Variants in PRKAG2 observed in about 807,000 individuals in gnomAD.
PRKAG2 encodes the protein protein kinase AMP-activated non-catalytic subunit gamma 2, also known as 5'-AMP-activated protein kinase subunit gamma-2.
Under a neutral mutation model 69.6 loss-of-function variants are expected in PRKAG2, and 26 were observed. The ratio of observed to expected loss-of-function variants is 0.37; its 90% CI spans 0.27 to 0.52. The LOEUF (loss-of-function observed/expected upper bound fraction) is 0.52, where lower values mean the gene tolerates loss of function less well. PRKAG2 is among the 20% of genes least tolerant of loss of function. The probability of loss-of-function intolerance (pLI) is 0.90; values close to 1 mark genes in which losing one functional copy is unlikely to be tolerated. For synonymous variants in PRKAG2, 293 were observed against 285.0 expected, an observed-to-expected ratio of 1.03 and a Z score of -0.28; for missense variants, 557 against 740.0, an observed-to-expected ratio of 0.75 and a Z score of 2.87.
At chr7:151,658,198 A>ATAAAT (rs1563361482) in intron 4 of PRKAG2, among the ~76,000 whole-genome samples, 10 of 65,054 alleles carry the variant, frequency 1.5e-4, no homozygotes, top group East Asian at 5.8e-4. Context: ...AATAAATAAG[A>ATAAAT]ATAATAGGGC....
At chr7:151,779,424 C>T (rs563013597) in intron 3 of PRKAG2, among the ~76,000 whole-genome samples, 74 of 152,324 alleles carry the variant, frequency 4.9e-4, no homozygotes, top group Non-Finnish European at 5.7e-4. Flanking sequence ...CCTCTCCTCC[C>T]ACCCCCATGG....
chr7:151,564,350 T>C (rs1805742656), intron 13 of PRKAG2, 126 bp from the exon 14 acceptor site: 1 of 974,080 alleles, frequency 1.0e-6, no homozygotes. Flanking sequence ...AGTACCTGCA[T>C]ACATCAGACG....
chr7:151,738,687 A>C (rs747907008), intron 3 of PRKAG2, among the ~76,000 whole-genome samples: 2 of 152,256 alleles, frequency 1.3e-5, no homozygotes, highest in Non-Finnish European at 2.9e-5. Flanking sequence ...TGTTTCCCTT[A>C]AGGGATGCTT....
chr7:151,581,013 A>C (rs1810338401), intron 6 of PRKAG2, among the ~76,000 whole-genome samples: 1 of 152,200 alleles, frequency 6.6e-6, no homozygotes, highest in African/African-American at 2.4e-5. Flanking sequence ...ATTTATCCTG[A>C]TGTGATTATA....
rs189420258 is a variant in PRKAG2, at chr7:151,626,036, C to T, written c.754+6033G>A. ...GCTGAACAGCTGTAGGGCCAAGAGG[C>T]CATTCTTCAACACATCCACCAGGAA... On this transcript the variant is annotated intron_variant, in intron 5 of 15. Transcript: ENST00000287878. Among the ~76,000 whole-genome samples, 348 of 152,296 alleles carry T rather than the reference C, an allele frequency of 2.3e-3. 1 individual carries two copies. The highest frequency in any genetic ancestry group is 7.7e-3 in the African/African-American group (322 of 41,550).
intron 3 of PRKAG2, among the ~76,000 whole-genome samples, chr7:151,767,492 T>C (rs1386904549): frequency 6.6e-6 from 1 of 152,232 alleles, no homozygotes; most frequent in Non-Finnish European, 1.5e-5. Context: ...GGTTTTACCA[T>C]GTTGGCCAGG....
intron 4 of PRKAG2, among the ~76,000 whole-genome samples, chr7:151,657,805 A>G (rs919578009): frequency 3.3e-5 from 5 of 152,172 alleles, no homozygotes; most frequent in African/African-American, 1.2e-4. Context: ...TGAGAAGTCA[A>G]ATGTGTCAAA....
At chr7:151,607,748 T>G (rs765228923) in intron 5 of PRKAG2, among the ~76,000 whole-genome samples, 4 of 152,318 alleles carry the variant, frequency 2.6e-5, no homozygotes, top group South Asian at 4.1e-4. Flanking sequence ...GTTTTGAGAA[T>G]GCGTTCCTCA....
intron 1 of PRKAG2, among the ~76,000 whole-genome samples, chr7:151,813,560 G>C (rs562811336): frequency 3.3e-5 from 5 of 151,630 alleles, no homozygotes; most frequent in Non-Finnish European, 5.9e-5. Flanking sequence ...GGCGACAAGA[G>C]GGATGCTGGG....
chr7:151,776,603 C>T (rs1236273975), intron 3 of PRKAG2, among the ~76,000 whole-genome samples: 1 of 152,210 alleles, frequency 6.6e-6, no homozygotes, highest in African/African-American at 2.4e-5. Flanking sequence ...CAGCAGGCAG[C>T]CCCAGGTCCC....
chr7:151,713,395 G>T (rs896762277), intron 3 of PRKAG2, among the ~76,000 whole-genome samples: 24 of 152,062 alleles, frequency 1.6e-4, no homozygotes, highest in African/African-American at 5.6e-4. Flanking sequence ...TGAATCAGCG[G>T]TTTTTGAAAA....
chr7:151,832,944 C>G (rs896193881), intron 1 of PRKAG2, among the ~76,000 whole-genome samples: 4 of 152,156 alleles, frequency 2.6e-5, no homozygotes, highest in Admixed American at 6.5e-5. Flanking sequence ...CCCACACTGT[C>G]CCCTGAAAAG....
At chr7:151,705,125 A>T (rs1000901438) in intron 3 of PRKAG2, among the ~76,000 whole-genome samples, 11 of 152,230 alleles carry the variant, frequency 7.2e-5, no homozygotes, top group Admixed American at 3.9e-4. Flanking sequence ...GATAAAACGT[A>T]AATGCAATTG....
chr7:151,574,836 A>G, intron 8 of PRKAG2, 55 bp downstream of exon 8: 4 of 1,611,970 alleles, frequency 2.5e-6, no homozygotes, highest in Non-Finnish European at 3.4e-6. Context: ...ATACCTACAC[A>G]CATACATAGA....
intron 1 of PRKAG2, among the ~76,000 whole-genome samples, chr7:151,854,151 C>G (rs67760509): frequency 0.17 from 26,053 of 152,278 alleles, 2,643 homozygotes; most frequent in South Asian, 0.23. Flanking sequence ...GAAGCCTCCA[C>G]CCCGACTGCT....
chr7:151,669,890 A>ACACACACCTGCATGCACATACCTGCATG lies in PRKAG2; in HGVS notation c.684+5502_684+5529dup, dbSNP rs1477101437. ...CATACTTGCACACACAGTTGCATGC[A>ACACACACCTGCATGCACATACCTGCATG]CACACACCTGCATGCACATACCTGC... On this transcript the variant is annotated intron_variant, in intron 4 of 15. Coordinates refer to ENST00000287878, the MANE Select transcript of PRKAG2 (RefSeq NM_016203.4). Among the ~76,000 whole-genome samples the ACACACACCTGCATGCACATACCTGCATG allele has an allele frequency of 6.0e-5, 9 of 150,970 alleles. No homozygotes were observed. The East Asian group carries it at 9.8e-4, about 16-fold the overall frequency.
intron 4 of PRKAG2, among the ~76,000 whole-genome samples, chr7:151,637,637 T>C (rs1825956672): frequency 6.6e-6 from 1 of 152,162 alleles, no homozygotes; most frequent in African/African-American, 2.4e-5. Flanking sequence ...GGTTTTTTAC[T>C]TAGTAAGAAA....
At position 151,796,841 on chromosome 7, in the gene PRKAG2, AG is replaced by A. The variant is rs776104981; in HGVS notation, c.115-10301del. Among the ~76,000 whole-genome samples the A allele has an allele frequency of 1.2e-3, 190 of 152,266 alleles. 1 individual carries two copies. The highest frequency in any genetic ancestry group is 1.5e-3 in the Non-Finnish European group (104 of 68,012). ...AATGACATCCTGATGCGCCACCTCC[AG>A]CCCCTGTACGGAGGGAACAGCCCTT... is the stretch of plus-strand genomic sequence containing the variant. On this transcript the variant is annotated intron_variant, in intron 1 of 15. Transcript: ENST00000287878.
chr7:151,709,183 GATGT>G (rs1450186738), intron 3 of PRKAG2, among the ~76,000 whole-genome samples: 2 of 152,102 alleles, frequency 1.3e-5, no homozygotes, highest in Non-Finnish European at 2.9e-5. Context: ...CTGTGACACC[GATGT>G]ATGAACTGAA....
Sources: gnomAD v4.1 joint callset for allele counts (sites outside exome capture counted in the v4.1 genomes callset) on GRCh38, gnomAD v4.1.1 for gene constraint, MANE v1.5 for transcripts, NCBI Gene and HGNC (gene_info 2026-07-23, HGNC 2026-07-21) for gene names.